LRIG1: variants seen among roughly 807,000 people sequenced by gnomAD.
The protein encoded by LRIG1 is leucine rich repeats and immunoglobulin like domains 1, also known as leucine-rich repeats and immunoglobulin-like domains protein 1.
Under a neutral mutation model 99.2 loss-of-function variants are expected in LRIG1, and 48 were observed. The ratio of observed to expected loss-of-function variants is 0.48; its 90% CI spans 0.38 to 0.62. The LOEUF (loss-of-function observed/expected upper bound fraction) is 0.62. Among genes scored for constraint, LRIG1 ranks in the 20% least tolerant of loss-of-function variants. LRIG1 has a pLI of 0.00. For missense variants in LRIG1, 1,646 were observed against 1,434.4 expected (o/e 1.15, Z -2.38); for synonymous variants, 772 against 596.1 (o/e 1.29, Z -4.30).
Position 66,414,002 on chromosome 3 carries a change from G to A in LRIG1, c.647+918C>T, listed in dbSNP as rs906738954. ...AAAAATCAGGGAAAAAAAGTCCTTC[G>A]TCAGGCTCTGGTTAACAGAGCTTTA... On this transcript the variant is annotated intron_variant, in intron 5 of 18. Transcript: ENST00000273261. Among the ~76,000 whole-genome samples, 4 of 152,112 alleles carry A rather than the reference G, an allele frequency of 2.6e-5. No homozygotes were observed. In the South Asian group the frequency reaches 8.3e-4, roughly 32 times the overall value.
intron 1 of LRIG1, among the ~76,000 whole-genome samples, chr3:66,479,836 C>A (rs1380018761): frequency 6.6e-6 from 1 of 152,206 alleles, no homozygotes; most frequent in Non-Finnish European, 1.5e-5. Context: ...AACCTTCATA[C>A]CCTGCTGGTG....
At chr3:66,442,957 A>T (rs940040) in intron 3 of LRIG1, among the ~76,000 whole-genome samples, 36,416 of 151,668 alleles carry the variant, frequency 0.24, 5,302 homozygotes, top group Non-Finnish European at 0.33. Context: ...CACCACCCCC[A>T]CTCTCAAAGA....
intron 1 of LRIG1, among the ~76,000 whole-genome samples, chr3:66,471,502 C>T (rs573266011): frequency 6.6e-6 from 1 of 152,156 alleles, no homozygotes; most frequent in Admixed American, 6.5e-5. Flanking sequence ...AACTCTTCCC[C>T]GAGGTGCCCT....
rs556733692 is a variant in LRIG1 at position 66,496,148 on chromosome 3, T to C, written c.218+4042A>G. 3.1e-4 allele frequency among the ~76,000 whole-genome samples: 47 copies of C among 152,356 alleles called. 1 individual carries two copies. The highest frequency in any genetic ancestry group is 1.1e-3 in the African/African-American group (46 of 41,578). ...ATAATATGTTCAAAAGTCCAAAGTCTGTAAAATCTAGTAACCAAATATAAT... is the reference window on the plus strand; with the variant it reads ...ATAATATGTTCAAAAGTCCAAAGTCCGTAAAATCTAGTAACCAAATATAAT... On this transcript the variant is annotated intron_variant, in intron 1 of 18. Coordinates refer to ENST00000273261, the MANE Select transcript of LRIG1 (RefSeq NM_015541.3).
Position 66,413,033 on chromosome 3 carries a change from C to T in LRIG1, c.648-19G>A, listed in dbSNP as rs371622760. The T allele has an allele frequency of 6.8e-6, 11 of 1,614,076 alleles. No individual in the cohort carries two copies. The highest frequency in any genetic ancestry group is 9.3e-6 in the Non-Finnish European group (11 of 1,179,942). ...GAGGTCCCTAAAGAGATGAAGCCAG[C>T]AGGGTCAGAGTGTCTTATGTGCATA... On this transcript the variant is annotated intron_variant, in intron 5 of 18. Transcript: ENST00000273261.
At chr3:66,498,190 C>T (rs1383383292) in intron 1 of LRIG1, 1 of 152,116 alleles carries the variant, frequency 6.6e-6, no homozygotes, top group Non-Finnish European at 1.5e-5. Flanking sequence ...TCAGTCAACA[C>T]CATAATCAGT....
intron 2 of LRIG1, among the ~76,000 whole-genome samples, chr3:66,456,392 G>A (rs368401824): frequency 5.9e-5 from 9 of 152,028 alleles, no homozygotes; most frequent in African/African-American, 2.2e-4. Flanking sequence ...GACTAGCCTG[G>A]GCAACATGAC....
chr3:66,437,956 G>C (rs1352474054), intron 3 of LRIG1, among the ~76,000 whole-genome samples: 2 of 152,224 alleles, frequency 1.3e-5, no homozygotes, highest in Non-Finnish European at 2.9e-5. Flanking sequence ...AATGGAGCCA[G>C]GGCCAACTCT....
At chr3:66,492,273 G>GT (rs1266327266) in intron 1 of LRIG1, among the ~76,000 whole-genome samples, 3 of 152,186 alleles carry the variant, frequency 2.0e-5, no homozygotes, top group African/African-American at 7.2e-5. Context: ...AAGAAAAGAA[G>GT]TTCAGTGCAA....
Position 66,496,644 on chromosome 3 carries a change from C to T in LRIG1, c.218+3546G>A, listed in dbSNP as rs368771404. ...CAAACAACCCAGGTTCTTCCCTGTC[C>T]CACAAATCGGAAGACTTTTGTTTCA... is the stretch of plus-strand genomic sequence containing the variant. On this transcript the variant is annotated intron_variant, in intron 1 of 18. Coordinates refer to ENST00000273261, the MANE Select transcript of LRIG1 (RefSeq NM_015541.3). Among the ~76,000 whole-genome samples, 4 of 152,230 alleles carry T rather than the reference C, an allele frequency of 2.6e-5. No individual in the cohort carries two copies. In the East Asian group the frequency reaches 5.8e-4, roughly 22 times the overall value.
intron 3 of LRIG1, among the ~76,000 whole-genome samples, chr3:66,444,467 T>G (rs1185191716): frequency 6.6e-6 from 1 of 151,484 alleles, no homozygotes; most frequent in Non-Finnish European, 1.5e-5. Context: ...ACATTAGGAG[T>G]GGAAATTTAC....
At position 66,451,451 on chromosome 3, in the gene LRIG1, C is replaced by A. The variant is rs953093461; in HGVS notation, c.365+108G>T. On this transcript the variant is annotated intron_variant, in intron 3 of 18. Transcript: ENST00000273261. ...GGCCACATGAAGAAAGGTCTTTCTT[C>A]ACCAGCGAGCACATGAACTCAAGTT... The A allele has an allele frequency of 9.7e-6, 8 of 825,516 alleles. No homozygotes were observed. In the African/African-American group the frequency reaches 1.4e-4, roughly 14 times the overall value. 51.1% of individuals were successfully genotyped at this position (825,516 alleles called of 1,614,324 possible).
At chr3:66,407,627 A>ACC (rs1343593897) in intron 7 of LRIG1, 136 bp from the exon 8 acceptor site, 1 of 858,710 alleles carries the variant, frequency 1.2e-6, no homozygotes, top group Non-Finnish European at 1.8e-6. Flanking sequence ...GTGCGTGCAC[A>ACC]CACACACCCA....
chr3:66,457,816 C>T (rs1700264997), intron 2 of LRIG1, among the ~76,000 whole-genome samples: 1 of 152,162 alleles, frequency 6.6e-6, no homozygotes, highest in Non-Finnish European at 1.5e-5. Flanking sequence ...TCTTAACATC[C>T]CCCACACTCA....
chr3:66,385,510 T>G (rs1267981239), intron 13 of LRIG1, among the ~76,000 whole-genome samples: 1 of 152,234 alleles, frequency 6.6e-6, no homozygotes, highest in Non-Finnish European at 1.5e-5. Context: ...TGGAATGCAG[T>G]GGAGTGATCT....
intron 3 of LRIG1, among the ~76,000 whole-genome samples, chr3:66,424,304 C>A (rs1303202886): frequency 1.3e-5 from 2 of 152,092 alleles, no homozygotes; most frequent in Non-Finnish European, 2.9e-5. Flanking sequence ...CCCCACCAAC[C>A]CCACCATTCC....
intron 14 of LRIG1, 75 bp from the exon 15 acceptor site, chr3:66,383,476 A>G: frequency 7.6e-7 from 1 of 1,311,184 alleles, no homozygotes; most frequent in Non-Finnish European, 1.0e-6. Flanking sequence ...CTTCTGGACA[A>G]CGGACAATCC....
chr3:66,497,693 C>T (rs1000809950), intron 1 of LRIG1, among the ~76,000 whole-genome samples: 4 of 126,410 alleles, frequency 3.2e-5, no homozygotes, highest in Admixed American at 9.5e-5. Context: ...CCACATCAGA[C>T]GCACTGTTTA....
At chr3:66,470,903 T>C (rs1294629093) in intron 1 of LRIG1, among the ~76,000 whole-genome samples, 1 of 152,222 alleles carries the variant, frequency 6.6e-6, no homozygotes, top group Non-Finnish European at 1.5e-5. Flanking sequence ...TTAAGCAGTC[T>C]CATCTTTAGT....
Sources: allele counts gnomAD v4.1 joint callset (sites outside exome capture counted in the v4.1 genomes callset), GRCh38; gene constraint gnomAD v4.1.1; transcripts MANE v1.5; gene names NCBI Gene and HGNC (gene_info 2026-07-23, HGNC 2026-07-21).